Variants in UBQLN4 observed in about 807,000 individuals in gnomAD.
UBQLN4 encodes the protein ubiquilin-4.
Under a neutral mutation model 60.4 loss-of-function variants are expected in UBQLN4, and 11 were observed. The observed-to-expected ratio is 0.18, with a 90% CI of 0.11 to 0.30. UBQLN4 has a LOEUF of 0.30. Among genes scored for constraint, UBQLN4 ranks in the 10% least tolerant of loss-of-function variants. The pLI is 1.00. For synonymous variants in UBQLN4, 258 were observed against 313.1 expected (o/e 0.82, Z 1.86); for missense variants, 417 against 795.5 (o/e 0.52, Z 5.72).
chr1:156,041,457 C>A, intron 10 of UBQLN4, 28 bp downstream of exon 10: 1 of 1,514,598 alleles, frequency 6.6e-7, no homozygotes, highest in East Asian at 2.4e-5. Context: ...GTGGTGCTCC[C>A]AGCACCTGCC....
chr1:156,053,098 A>T (rs1439844674), intron 1 of UBQLN4, among the ~76,000 whole-genome samples: 2 of 152,124 alleles, frequency 1.3e-5, no homozygotes, highest in Admixed American at 1.3e-4. Flanking sequence ...TAAATCTCAG[A>T]AGAGCTGAGA....
rs753133370 is a variant in UBQLN4 at position 156,051,151 on chromosome 1, C to G, written c.437G>C (p.Gly146Ala). 2.5e-6 allele frequency: 4 copies of G among 1,612,608 alleles called. No homozygotes were observed. Among genetic ancestry groups the G allele is most frequent in the Non-Finnish European group, 3.4e-6 (4 of 1,179,302 alleles). ...RRSSGGGPSP[G>A]AGEGSPSATA... is the part of the protein sequence containing the mutation. The stretch of plus-strand genomic sequence containing the variant: ...AGCACTGGGGGATCCCTCCCCAGCC[C>G]CCGGAGAGGGCCCCCCACCACTGCT... The change falls in exon 3 of 11, where the codon GGG (glycine) becomes GCG (alanine). Residue 146 changes from glycine to alanine, a missense_variant. Physicochemically the swap from Gly to Ala is moderately conservative, Grantham distance 60. Transcript: ENST00000368309.
At chr1:156,043,912 C>T in intron 6 of UBQLN4, 86 bp downstream of exon 6, 1 of 1,412,152 alleles carries the variant, frequency 7.1e-7, no homozygotes, top group Non-Finnish European at 9.8e-7. Flanking sequence ...TCTTCAAAAT[C>T]CTGGAGCAGT....
At chr1:156,042,320 C>T in intron 7 of UBQLN4, 84 bp from the exon 8 acceptor site, 1 of 1,476,906 alleles carries the variant, frequency 6.8e-7, no homozygotes, top group Non-Finnish European at 9.0e-7. Flanking sequence ...CTGGGCACCC[C>T]CTACCACTGC....
Position 156,053,742 on chromosome 1 carries a change from C to A in UBQLN4, c.-41G>T. On this transcript the variant is annotated 5_prime_UTR_variant, in exon 1 of 11. Coordinates refer to ENST00000368309, the MANE Select transcript of UBQLN4 (RefSeq NM_020131.5). The stretch of plus-strand genomic sequence containing the variant: ...CGGCCGCCCGCCAGCCCGCCCGGCT[C>A]CTCCTCCTCCCCGCCCGCCCGGCCG... 8.5e-7 allele frequency: 1 copy of A among 1,181,304 alleles called. No homozygotes were observed. The allele number at this position is 1,181,304 out of a possible 1,614,324, so 73.2% of individuals were successfully genotyped here.
At position 156,048,699 on chromosome 1, in the gene UBQLN4, G is replaced by A. The variant is rs772582187; in HGVS notation, c.742-40C>T. 1.3e-6 allele frequency: 2 copies of A among 1,597,612 alleles called. No homozygotes were observed. The highest frequency in any genetic ancestry group is 1.1e-5 in the South Asian group (1 of 90,396). On this transcript the variant is annotated intron_variant, in intron 4 of 10. Transcript: ENST00000368309. This position sits in a 1 kb window ranked among gnomAD's most constrained non-coding sequence, Gnocchi z 4.9. ...GAGACAAAATGGGCCCCGGAACCAGGGGAGCACCAACCTAGGAAAAGGGTG... is the reference window on the plus strand; with the variant it reads ...GAGACAAAATGGGCCCCGGAACCAGAGGAGCACCAACCTAGGAAAAGGGTG...
chr1:156,039,936 C>CAAAAAA (rs34790727), intron 10 of UBQLN4, among the ~76,000 whole-genome samples: 9 of 72,008 alleles, frequency 1.2e-4, no homozygotes, highest in African/African-American at 2.2e-4. Flanking sequence ...GACTCCGTCT[C>CAAAAAA]AAAAAAAAAA....
chr1:156,044,866 C>T (rs1196524896), intron 5 of UBQLN4, among the ~76,000 whole-genome samples: 1 of 152,048 alleles, frequency 6.6e-6, no homozygotes, highest in Non-Finnish European at 1.5e-5. Context: ...CTAGGTTTTC[C>T]CCTCCTGCTC....
chr1:156,039,347 T>C (rs1683487276), intron 10 of UBQLN4, among the ~76,000 whole-genome samples: 1 of 150,288 alleles, frequency 6.7e-6, no homozygotes, highest in Admixed American at 6.7e-5. Flanking sequence ...GCCTCCCAGG[T>C]TCAAGTGACT....
intron 1 of UBQLN4, among the ~76,000 whole-genome samples, chr1:156,052,489 G>A (rs959185611): frequency 1.3e-5 from 2 of 152,100 alleles, no homozygotes; most frequent in African/African-American, 4.8e-5. Flanking sequence ...ACCATGCCTG[G>A]CTAATTGTAT....
chr1:156,032,372 G>A (rs1037768955), downstream of UBQLN4, among the ~76,000 whole-genome samples: 3 of 150,628 alleles, frequency 2.0e-5, no homozygotes, highest in Non-Finnish European at 4.4e-5. Context: ...TTGGCCGGGC[G>A]CGATGGCTCA....
At chr1:156,052,647 A>C (rs1683902956) in intron 1 of UBQLN4, among the ~76,000 whole-genome samples, 1 of 152,158 alleles carries the variant, frequency 6.6e-6, no homozygotes, top group Admixed American at 6.5e-5. Flanking sequence ...AAAGATGAGA[A>C]AACTGAGGAT....
chr1:156,043,959 C>T, intron 6 of UBQLN4, 39 bp downstream of exon 6: 1 of 1,603,514 alleles, frequency 6.2e-7, no homozygotes, highest in Non-Finnish European at 8.5e-7. Context: ...AGGGGCTGCC[C>T]TGGTGACCCC....
rs1023015524 is a variant in UBQLN4, at chr1:156,051,165, C to G, written c.423G>C (p.Gly141=). The stretch of plus-strand genomic sequence containing the variant: ...CCTCCCCAGCCCCCGGAGAGGGCCC[C>G]CCACCACTGCTCCTCCGGCTTCCAC... ...AGSGSRRSSG[G]GPSPGAGEGS... is the part of the protein sequence containing the mutation. The change falls in exon 3 of 11, where the codon GGG becomes GGC. Residue 141 remains glycine, a synonymous_variant. Transcript: ENST00000368309. 70 of 1,611,950 alleles carry G rather than the reference C, an allele frequency of 4.3e-5. No homozygotes were observed. The highest frequency in any genetic ancestry group is 5.9e-5 in the Non-Finnish European group (69 of 1,179,112).
At chr1:156,034,703 G>A (rs1233348210), downstream of UBQLN4, among the ~76,000 whole-genome samples, 1 of 150,490 alleles carries the variant, frequency 6.6e-6, no homozygotes, top group East Asian at 1.9e-4. Context: ...CCTGACCTAT[G>A]GGGAAGTAGG....
At chr1:156,044,465 T>C (rs1683648526) in intron 5 of UBQLN4, among the ~76,000 whole-genome samples, 1 of 152,048 alleles carries the variant, frequency 6.6e-6, no homozygotes, top group African/African-American at 2.4e-5. Flanking sequence ...ATTGGAAACT[T>C]CCCATCCCCC....
chr1:156,034,777 C>A (rs897713880), downstream of UBQLN4, among the ~76,000 whole-genome samples: 5 of 134,542 alleles, frequency 3.7e-5, no homozygotes, highest in African/African-American at 1.4e-4. Context: ...TCCCCATTCC[C>A]AAGTCATATA....
In UBQLN4 at chr1:156,036,750, C is replaced by T; in HGVS notation, c.*228G>A. 1 of 1,325,538 alleles carries T rather than the reference C, an allele frequency of 7.5e-7. No individual in the cohort carries two copies. Among genetic ancestry groups the T allele is most frequent in the Non-Finnish European group, 9.6e-7 (1 of 1,037,104 alleles). 82.1% of individuals were successfully genotyped at this position (1,325,538 alleles called of 1,614,324 possible). A position where few individuals can be genotyped will look rare whatever the true frequency, so the allele number is the denominator to read the frequency against. The stretch of plus-strand genomic sequence containing the variant: ...AACTGTGAAAACTGTTTAAGTAGCA[C>T]TGCTCAAGGAGACCAGGAGAGAAGA... On this transcript the variant is annotated 3_prime_UTR_variant, in exon 11 of 11. Coordinates refer to ENST00000368309, the MANE Select transcript of UBQLN4 (RefSeq NM_020131.5).
chr1:156,053,416 G>A (rs1683936061), intron 1 of UBQLN4, among the ~76,000 whole-genome samples, 178 bp downstream of exon 1: 1 of 145,890 alleles, frequency 6.9e-6, no homozygotes, highest in African/African-American at 2.6e-5. Context: ...CGCTCCCCCA[G>A]ATCTCCCCTC....
Sources: gnomAD v4.1 joint callset for allele counts (sites outside exome capture counted in the v4.1 genomes callset) on GRCh38, gnomAD v4.1.1 for gene constraint, Gnocchi (gnomAD v3.1) non-coding constraint, MANE v1.5 for transcripts, NCBI Gene and HGNC (gene_info 2026-07-23, HGNC 2026-07-21) for gene names.